Variants in HTR1F observed in about 807,000 individuals in gnomAD.
HTR1F encodes 5-hydroxytryptamine (serotonin) receptor 1F, G protein-coupled.
Under a neutral mutation model 24.0 loss-of-function variants are expected in HTR1F, and 17 were observed. The ratio of observed to expected loss-of-function variants is 0.71; its 90% CI spans 0.48 to 1.06. HTR1F has a LOEUF of 1.06. HTR1F is among the 50% of genes least tolerant of loss of function. The probability of loss-of-function intolerance (pLI) is 0.00; values close to 1 mark genes in which losing one functional copy is unlikely to be tolerated. For synonymous variants in HTR1F, 186 were observed against 156.8 expected, an observed-to-expected ratio of 1.19 and a Z score of -1.39; for missense variants, 391 against 427.8, an observed-to-expected ratio of 0.91 and a Z score of 0.76.
intron 2 of HTR1F, among the ~76,000 whole-genome samples, chr3:87,888,539 GA>G (rs1482880148): frequency 6.6e-6 from 1 of 152,030 alleles, no homozygotes; most frequent in African/African-American, 2.4e-5. Context: ...AAAACATTGT[GA>G]GACAAAGAAT....
intron 2 of HTR1F, among the ~76,000 whole-genome samples, chr3:87,938,516 T>A (rs1704483236): frequency 6.6e-6 from 1 of 152,162 alleles, no homozygotes; most frequent in Admixed American, 6.6e-5. Context: ...GCAAGCAGCA[T>A]CACCTTACCT....
intron 1 of HTR1F, among the ~76,000 whole-genome samples, chr3:87,815,333 A>G (rs1232393382): frequency 1.3e-5 from 2 of 152,094 alleles, no homozygotes; most frequent in Non-Finnish European, 2.9e-5. Flanking sequence ...GAAAAGATTA[A>G]TGTTTAATTA....
intron 1 of HTR1F, among the ~76,000 whole-genome samples, chr3:87,817,467 G>A (rs1183910032): frequency 2.6e-5 from 4 of 152,076 alleles, no homozygotes; most frequent in African/African-American, 9.7e-5. Context: ...AGAAAAGTCA[G>A]GCAACAGTTC....
chr3:87,807,136 T>A lies in HTR1F; in HGVS notation c.-160+14294T>A, dbSNP rs1483482138. Among the ~76,000 whole-genome samples, 4 of 152,066 alleles carry A rather than the reference T, an allele frequency of 2.6e-5. No homozygotes were observed. In the East Asian group the frequency reaches 7.7e-4, roughly 29 times the overall value. ...GCTCTTTTAGTTTCCACACAAATTT[T>A]AGGATTATTTTTTCTATTTCTGTAA... On this transcript the variant is annotated intron_variant, in intron 1 of 2. Transcript: ENST00000319595.
intron 2 of HTR1F, among the ~76,000 whole-genome samples, chr3:87,830,772 C>T (rs1346762878): frequency 6.6e-6 from 1 of 152,120 alleles, no homozygotes; most frequent in African/African-American, 2.4e-5. Flanking sequence ...AACATTGTTT[C>T]GCCACCTGTA....
chr3:87,926,756 T>G (rs1704135154), intron 2 of HTR1F, among the ~76,000 whole-genome samples: 2 of 152,154 alleles, frequency 1.3e-5, no homozygotes. Context: ...TGGGTTCATA[T>G]TACTAAATTT....
intron 2 of HTR1F, among the ~76,000 whole-genome samples, chr3:87,845,040 T>A (rs2107188219): frequency 6.6e-6 from 1 of 151,964 alleles, no homozygotes; most frequent in East Asian, 1.9e-4. Context: ...CAACCTTTCA[T>A]GCTAAAAACT....
chr3:87,899,468 A>G (rs1274826769), intron 2 of HTR1F, among the ~76,000 whole-genome samples: 1 of 152,214 alleles, frequency 6.6e-6, no homozygotes, highest in South Asian at 2.1e-4. Flanking sequence ...AGTTACTTTT[A>G]TATGTTTATA....
intron 1 of HTR1F, among the ~76,000 whole-genome samples, chr3:87,818,999 A>G (rs1041994634): frequency 2.0e-5 from 3 of 152,204 alleles, no homozygotes; most frequent in Non-Finnish European, 4.4e-5. Context: ...CTAAAATTCC[A>G]GGAAATAGAA....
intron 2 of HTR1F, among the ~76,000 whole-genome samples, chr3:87,941,244 G>C (rs1345956302): frequency 2.0e-5 from 3 of 152,166 alleles, no homozygotes; most frequent in Admixed American, 2.0e-4. Flanking sequence ...TAATGGTCTG[G>C]TTATTTTACC....
At chr3:87,985,984 T>G (rs2107520119) in intron 2 of HTR1F, among the ~76,000 whole-genome samples, 1 of 152,356 alleles carries the variant, frequency 6.6e-6, no homozygotes, top group African/African-American at 2.4e-5. Context: ...TCTCTGTTAT[T>G]ATCAAGAAGG....
intron 2 of HTR1F, among the ~76,000 whole-genome samples, chr3:87,970,403 G>T (rs1248893808): frequency 6.6e-6 from 1 of 152,176 alleles, no homozygotes; most frequent in African/African-American, 2.4e-5. Flanking sequence ...TGATGCTGTT[G>T]CTATTGATCC....
At chr3:87,831,429 C>G (rs1463662137) in intron 2 of HTR1F, among the ~76,000 whole-genome samples, 1 of 151,250 alleles carries the variant, frequency 6.6e-6, no homozygotes, top group African/African-American at 2.4e-5. Context: ...GTGGCGCCAT[C>G]TCGGCTCACC....
chr3:87,793,982 A>AG (rs71131524), intron 1 of HTR1F, among the ~76,000 whole-genome samples: 60,636 of 149,080 alleles, frequency 0.41, 14,290 homozygotes, highest in South Asian at 0.6. Flanking sequence ...AAAAAAAAAA[A>AG]AGAGAGAGAG....
At chr3:87,975,833 C>T (rs1705384293) in intron 2 of HTR1F, among the ~76,000 whole-genome samples, 1 of 152,198 alleles carries the variant, frequency 6.6e-6, no homozygotes, top group African/African-American at 2.4e-5. Context: ...TTGAGCAGAG[C>T]TCCAAATCAT....
chr3:87,815,765 T>C (rs1012691024), intron 1 of HTR1F, among the ~76,000 whole-genome samples: 1 of 152,134 alleles, frequency 6.6e-6, no homozygotes, highest in Non-Finnish European at 1.5e-5. Flanking sequence ...TTACTATAGA[T>C]GCCAACAGCT....
intron 1 of HTR1F, among the ~76,000 whole-genome samples, chr3:87,813,744 C>T (rs1704199973): frequency 6.6e-6 from 1 of 152,182 alleles, no homozygotes; most frequent in South Asian, 2.1e-4. Flanking sequence ...TTCCCCCATG[C>T]TGTTCACATG....
At chr3:87,984,517 G>T (rs995094974) in intron 2 of HTR1F, among the ~76,000 whole-genome samples, 1 of 151,958 alleles carries the variant, frequency 6.6e-6, no homozygotes, top group African/African-American at 2.4e-5. Flanking sequence ...AAGCTGGAGC[G>T]CATGGCATGA....
At chr3:87,870,464 T>C (rs1364164116) in intron 2 of HTR1F, among the ~76,000 whole-genome samples, 3 of 152,006 alleles carry the variant, frequency 2.0e-5, no homozygotes, top group African/African-American at 7.2e-5. Context: ...ACAACTGAAA[T>C]GAAACAATTA....
Sources: allele counts gnomAD v4.1 joint callset (sites outside exome capture counted in the v4.1 genomes callset), GRCh38; gene constraint gnomAD v4.1.1; transcripts MANE v1.5; gene names NCBI Gene and HGNC (gene_info 2026-07-23, HGNC 2026-07-21).